Variants in ANAPC11 observed in about 807,000 individuals in gnomAD.
The protein encoded by ANAPC11 is anaphase-promoting complex subunit 11.
A neutral mutation model predicts 11.8 loss-of-function variants in ANAPC11; 5 were observed. That is an observed-to-expected ratio of 0.42 (90% CI 0.22 to 0.89). The LOEUF is 0.89. Ranked by LOEUF, ANAPC11 falls within the 40% of genes least tolerant of loss-of-function variation. The pLI is 0.28. For missense variants in ANAPC11, 68 were observed against 112.9 expected (o/e 0.60, Z 1.80); for synonymous variants, 45 against 41.0 (o/e 1.10, Z -0.38).
chr17:81,899,527 G>A, intron 3 of ANAPC11: 1 of 1,613,322 alleles, frequency 6.2e-7, no homozygotes, highest in Non-Finnish European at 8.5e-7. Flanking sequence ...TCTGCAGATG[G>A]GCCCAGGGCC....
chr17:81,893,599 A>G lies in ANAPC11; in HGVS notation c.-27A>G, dbSNP rs1305161498. ...CCAGGCCCATTTGAGATCTTTGAAG[A>G]TATCCTCAACGTGAGGTAAAACCAA... On this transcript the variant is annotated 5_prime_UTR_variant, in exon 2 of 4. Transcript: ENST00000344877. 1 of 152,072 alleles carries G rather than the reference A, an allele frequency of 6.6e-6. No individual in the cohort carries two copies. Among genetic ancestry groups the G allele is most frequent in the African/African-American group, 2.4e-5 (1 of 41,398 alleles). 9.4% of individuals were successfully genotyped at this position (152,072 alleles called of 1,614,324 possible).
At chr17:81,891,356 T>G, upstream of ANAPC11, 1 of 1,150,688 alleles carries the variant, frequency 8.7e-7, no homozygotes. Flanking sequence ...TCCTGCCGCC[T>G]CCGCCGGCCG....
In ANAPC11 at chr17:81,899,966, C is replaced by T. The variant is rs143094452; in HGVS notation, c.156C>T (p.Ser52=). The T allele has an allele frequency of 3.7e-6, 6 of 1,612,842 alleles. No individual in the cohort carries two copies. The highest frequency in any genetic ancestry group is 5.1e-6 in the Non-Finnish European group (6 of 1,179,850). Residue 52 remains serine, a synonymous_variant, in exon 4 of 4, where the codon TCC becomes TCT. Coordinates refer to ENST00000344877, the MANE Select transcript of ANAPC11 (RefSeq NM_001002248.3). ...GCCCGCTGGTGTGGGGCCAGTGCTC[C>T]CACTGCTTCCACATGCATTGCATCC... ...DDCPLVWGQC[S]HCFHMHCILK...
intron 3 of ANAPC11, chr17:81,894,830 G>C (rs1047971561): frequency 5.0e-6 from 2 of 397,496 alleles, no homozygotes; most frequent in African/African-American, 4.3e-5. Flanking sequence ...CGGTTCTCCT[G>C]CCTCAGCCTT....
chr17:81,894,715 C>CTTT (rs529200093), intron 3 of ANAPC11, 129 bp downstream of exon 3: 155 of 361,936 alleles, frequency 4.3e-4, no homozygotes, highest in South Asian at 1.4e-3. Flanking sequence ...GTTTCATTTT[C>CTTT]TTTTTTTTTT....
At chr17:81,890,955 C>G (rs1266112652), upstream of ANAPC11, 1 of 1,361,812 alleles carries the variant, frequency 7.3e-7, no homozygotes, top group African/African-American at 1.5e-5. Context: ...AGCGCTCCCT[C>G]CGGCGCTGCA....
upstream of ANAPC11, chr17:81,891,446 GCGGCCGCCCTGGGAGCCGGCC>G: frequency 2.9e-6 from 3 of 1,021,196 alleles, no homozygotes; most frequent in Non-Finnish European, 3.5e-6. Flanking sequence ...CCCCACCGCC[GCGGCCGCCCTGGGAGCCGGCC>G]CGGCCGCGGC....
chr17:81,896,994 T>A (rs2039767422), intron 3 of ANAPC11, among the ~76,000 whole-genome samples: 1 of 151,280 alleles, frequency 6.6e-6, no homozygotes, highest in South Asian at 2.1e-4. Flanking sequence ...GTTGTATTTT[T>A]ATTTTTATTT....
intron 3 of ANAPC11, among the ~76,000 whole-genome samples, chr17:81,897,380 C>T (rs563193458): frequency 1.3e-5 from 2 of 152,334 alleles, no homozygotes; most frequent in African/African-American, 4.8e-5. Flanking sequence ...GTGATCCGTC[C>T]ACCTCGGCCT....
downstream of ANAPC11, chr17:81,900,486 G>A (rs547242364): frequency 8.1e-6 from 2 of 248,324 alleles, no homozygotes; most frequent in East Asian, 1.6e-4. Context: ...CCCTCCCTCA[G>A]GCTGGCTCTG....
In ANAPC11 at chr17:81,900,215, T is replaced by G. The variant is rs993491612; in HGVS notation, c.*150T>G. On this transcript the variant is annotated 3_prime_UTR_variant, in exon 4 of 4. Transcript: ENST00000344877. ...TTTTGCCATCACTATGTTGACACTTTTATCCAATAAGTGAAAACTCATTAA... is the reference window on the plus strand; with the variant it reads ...TTTTGCCATCACTATGTTGACACTTGTATCCAATAAGTGAAAACTCATTAA... 9 of 1,270,106 alleles carry G rather than the reference T, an allele frequency of 7.1e-6. No homozygotes were observed. The Middle Eastern group carries it at 1.2e-3, about 165-fold the overall frequency. 78.7% of individuals were successfully genotyped at this position (1,270,106 alleles called of 1,614,324 possible). A position where few individuals can be genotyped will look rare whatever the true frequency, so the allele number is the denominator to read the frequency against.
intron 3 of ANAPC11, chr17:81,898,257 T>C (rs2039809447): frequency 6.6e-6 from 1 of 152,270 alleles, no homozygotes; most frequent in African/African-American, 2.4e-5. Flanking sequence ...GCTGCATCCG[T>C]GGGCCAGATG....
intron 3 of ANAPC11, chr17:81,898,850 A>G (rs537882922): frequency 8.8e-6 from 2 of 227,982 alleles, no homozygotes; most frequent in Non-Finnish European, 1.7e-5. Flanking sequence ...CGGGTGGGGA[A>G]TGCACTAGAA....
upstream of ANAPC11, chr17:81,890,834 C>G: frequency 6.2e-7 from 1 of 1,614,084 alleles, no homozygotes; most frequent in South Asian, 1.1e-5. Context: ...AAAAAAAAAC[C>G]GCAACAAGAG....
intron 3 of ANAPC11, chr17:81,899,696 G>A (rs1462661268): frequency 4.8e-6 from 5 of 1,032,070 alleles, no homozygotes; most frequent in East Asian, 2.6e-5. Context: ...CCCGGGTGGA[G>A]GCCGCATGTC....
chr17:81,891,742 A>C lies in ANAPC11; in HGVS notation c.-174A>C, dbSNP rs1409608487. On this transcript the variant is annotated 5_prime_UTR_variant, in exon 1 of 4. Coordinates refer to ENST00000344877, the MANE Select transcript of ANAPC11 (RefSeq NM_001002248.3). Reference sequence around the variant, plus strand: ...AGGCGCGTGCGCACTGGCGTGCGAGACTCGGCGGGCGCTGTTGAGGGAGTC... The same window carrying C: ...AGGCGCGTGCGCACTGGCGTGCGAGCCTCGGCGGGCGCTGTTGAGGGAGTC... 3 of 511,824 alleles carry C rather than the reference A, an allele frequency of 5.9e-6. No homozygotes were observed. The highest frequency in any genetic ancestry group is 8.5e-6 in the Non-Finnish European group (3 of 354,428). 31.7% of individuals were successfully genotyped at this position (511,824 alleles called of 1,614,324 possible). A position where few individuals can be genotyped will look rare whatever the true frequency, so the allele number is the denominator to read the frequency against.
intron 3 of ANAPC11, among the ~76,000 whole-genome samples, chr17:81,897,333 A>T (rs1033479215): frequency 1.3e-5 from 2 of 152,080 alleles, no homozygotes; most frequent in Non-Finnish European, 2.9e-5. Flanking sequence ...GGGTTTCACC[A>T]TGTTGGCCGG....
At chr17:81,891,593 G>A (rs1044949231), upstream of ANAPC11, 3 of 1,401,300 alleles carry the variant, frequency 2.1e-6, no homozygotes, top group African/African-American at 1.5e-5. Flanking sequence ...GCTCGAGCCC[G>A]CGCGTCAGCA....
rs2039541132 is a variant in ANAPC11 at position 81,891,805 on chromosome 17, G to A, written c.-111G>A. The A allele has an allele frequency of 4.2e-6, 1 of 240,158 alleles. No individual in the cohort carries two copies. Among genetic ancestry groups the A allele is most frequent in the African/African-American group, 2.3e-5 (1 of 42,876 alleles). The allele number at this position is 240,158 out of a possible 1,614,324, so 14.9% of individuals were successfully genotyped here. A position where few individuals can be genotyped will look rare whatever the true frequency, so the allele number is the denominator to read the frequency against. On this transcript the variant is annotated 5_prime_UTR_variant, in exon 1 of 4. Coordinates refer to ENST00000344877, the MANE Select transcript of ANAPC11 (RefSeq NM_001002248.3). ...TGGTCGTTTTTATACCTTCCCGCGC[G>A]GACGCCGGCGCTGCCAACGGAAGGG...
Sources: allele counts gnomAD v4.1 joint callset (sites outside exome capture counted in the v4.1 genomes callset), GRCh38; gene constraint gnomAD v4.1.1; transcripts MANE v1.5; gene names NCBI Gene and HGNC (gene_info 2026-07-23, HGNC 2026-07-21).